Variants in SLC2A13 observed in about 807,000 individuals in gnomAD.
SLC2A13 encodes proton myo-inositol cotransporter.
SLC2A13 carries 32 observed loss-of-function variants against 64.4 expected under a neutral mutation model. The observed-to-expected ratio is 0.50, with a 90% confidence interval of 0.37 to 0.67. The LOEUF (loss-of-function observed/expected upper bound fraction) is 0.67. Among genes scored for constraint, SLC2A13 ranks in the 30% least tolerant of loss-of-function variants. The probability of loss-of-function intolerance (pLI) is 0.00; values close to 1 mark genes in which losing one functional copy is unlikely to be tolerated. For synonymous variants in SLC2A13, 338 were observed against 327.1 expected, an observed-to-expected ratio of 1.03 and a Z score of -0.36; for missense variants, 743 against 829.2, an observed-to-expected ratio of 0.90 and a Z score of 1.28.
intron 3 of SLC2A13, among the ~76,000 whole-genome samples, chr12:39,972,874 C>G (rs1426922021): frequency 7.9e-5 from 12 of 152,068 alleles, no homozygotes; most frequent in Non-Finnish European, 1.6e-4. Flanking sequence ...TCGAGACCAG[C>G]CTGACCAACA....
At chr12:39,988,679 A>G (rs1377929159) in intron 3 of SLC2A13, among the ~76,000 whole-genome samples, 11 of 80,556 alleles carry the variant, frequency 1.4e-4, no homozygotes, top group Admixed American at 1.1e-3. Context: ...GGGAGGGAAG[A>G]AGGGAGGGAG....
At chr12:40,096,237 G>T (rs144211784) in intron 1 of SLC2A13, among the ~76,000 whole-genome samples, 2,114 of 152,022 alleles carry the variant, frequency 0.014, 126 homozygotes, top group Admixed American at 0.095. Flanking sequence ...CCAGCCCTGA[G>T]TTTTTAATTT....
chr12:39,824,479 C>T (rs2135834733), intron 7 of SLC2A13, among the ~76,000 whole-genome samples: 1 of 152,326 alleles, frequency 6.6e-6, no homozygotes, highest in Non-Finnish European at 1.5e-5. Context: ...CTTCCCCTTT[C>T]TTATACCTGT....
chr12:40,028,545 T>G, intron 2 of SLC2A13, 36 bp from the exon 3 acceptor site: 1 of 1,607,016 alleles, frequency 6.2e-7, no homozygotes, highest in Non-Finnish European at 8.5e-7. Flanking sequence ...ACTGTAAAAT[T>G]TGCTCTTACC....
At chr12:39,797,189 G>A (rs2135777088) in intron 7 of SLC2A13, among the ~76,000 whole-genome samples, 1 of 152,278 alleles carries the variant, frequency 6.6e-6, no homozygotes, top group East Asian at 1.9e-4. Flanking sequence ...AAGCAAGCAT[G>A]CAAGCCTGAT....
chr12:39,953,441 G>A (rs1419646237), intron 3 of SLC2A13, among the ~76,000 whole-genome samples: 1 of 151,920 alleles, frequency 6.6e-6, no homozygotes, highest in Non-Finnish European at 1.5e-5. Flanking sequence ...TATGAACCTA[G>A]CTTTATTAGG....
chr12:39,807,670 A>G (rs543382433), intron 7 of SLC2A13, among the ~76,000 whole-genome samples: 274 of 152,136 alleles, frequency 1.8e-3, no homozygotes, highest in Middle Eastern at 3.4e-3. Flanking sequence ...TAGTTTTTCT[A>G]TTTCTTTTTG....
intron 4 of SLC2A13, among the ~76,000 whole-genome samples, chr12:39,894,296 C>T (rs1484443664): frequency 6.6e-6 from 1 of 152,204 alleles, no homozygotes; most frequent in South Asian, 2.1e-4. Context: ...TTCTAATTCA[C>T]TGAGCACTGG....
At chr12:39,816,398 G>A (rs527721530) in intron 7 of SLC2A13, among the ~76,000 whole-genome samples, 448 of 142,988 alleles carry the variant, frequency 3.1e-3, no homozygotes, top group African/African-American at 0.011. Context: ...CTTGGACACA[G>A]GAAGGGGAAC....
At chr12:39,890,747 G>A (rs1944585860) in intron 4 of SLC2A13, among the ~76,000 whole-genome samples, 3 of 152,070 alleles carry the variant, frequency 2.0e-5, no homozygotes, top group Admixed American at 2.0e-4. Flanking sequence ...AGCAGCTGTA[G>A]AAAACCAATA....
chr12:39,976,376 A>T (rs1041547603), intron 3 of SLC2A13, among the ~76,000 whole-genome samples: 1 of 152,232 alleles, frequency 6.6e-6, no homozygotes, highest in Non-Finnish European at 1.5e-5. Context: ...GTAGACAATG[A>T]TAAGTGCCAT....
chr12:39,950,855 G>A (rs1946215740), intron 4 of SLC2A13: 2 of 203,808 alleles, frequency 9.8e-6, no homozygotes, highest in Non-Finnish European at 1.9e-5. Flanking sequence ...CACTGTAGTA[G>A]ACTGCACCAA....
At chr12:40,069,700 T>C (rs1361175194) in intron 1 of SLC2A13, among the ~76,000 whole-genome samples, 1 of 151,774 alleles carries the variant, frequency 6.6e-6, no homozygotes, top group African/African-American at 2.4e-5. Flanking sequence ...TCAATAGCTT[T>C]TATTATTATT....
chr12:39,946,747 G>A (rs1413942918), intron 4 of SLC2A13, among the ~76,000 whole-genome samples: 1 of 152,202 alleles, frequency 6.6e-6, no homozygotes, highest in African/African-American at 2.4e-5. Flanking sequence ...TCCAGGCGGA[G>A]GGCGAGATGG....
chr12:39,925,026 G>C (rs1945695439), intron 4 of SLC2A13, among the ~76,000 whole-genome samples: 1 of 121,942 alleles, frequency 8.2e-6, no homozygotes, highest in African/African-American at 3.1e-5. Flanking sequence ...TATACATACA[G>C]ATAATTTTTT....
rs1940033643 is a variant in SLC2A13 at position 39,758,638 on chromosome 12, T to C, written c.*1388A>G. 1 of 152,022 alleles carries C rather than the reference T, an allele frequency of 6.6e-6. No individual in the cohort carries two copies. The highest frequency in any genetic ancestry group is 1.9e-4 in the East Asian group (1 of 5,316). 9.4% of individuals were successfully genotyped at this position (152,022 alleles called of 1,614,324 possible). On this transcript the variant is annotated 3_prime_UTR_variant, in exon 10 of 10. Coordinates refer to ENST00000280871, the MANE Select transcript of SLC2A13 (RefSeq NM_052885.4). ...TTACCATAAAAACCAATGAATACCTTGGAAAGACATTGTGGAAATATAATT... is the reference window on the plus strand; with the variant it reads ...TTACCATAAAAACCAATGAATACCTCGGAAAGACATTGTGGAAATATAATT...
intron 4 of SLC2A13, among the ~76,000 whole-genome samples, chr12:39,913,107 T>G (rs1331246762): frequency 1.3e-5 from 2 of 151,972 alleles, no homozygotes; most frequent in Non-Finnish European, 2.9e-5. Flanking sequence ...CTTAGTAAAT[T>G]TATTGTTACC....
At chr12:39,999,135 A>T (rs1947282638) in intron 3 of SLC2A13, among the ~76,000 whole-genome samples, 1 of 152,152 alleles carries the variant, frequency 6.6e-6, no homozygotes, top group African/African-American at 2.4e-5. Context: ...TAAGCTGAGG[A>T]TGTACGTCAC....
intron 3 of SLC2A13, among the ~76,000 whole-genome samples, chr12:40,005,975 T>C (rs1346959685): frequency 1.3e-5 from 2 of 152,200 alleles, no homozygotes; most frequent in African/African-American, 4.8e-5. Context: ...TCAGCCAAGG[T>C]TGAGAATCAC....
Sources: gnomAD v4.1 joint callset for allele counts (sites outside exome capture counted in the v4.1 genomes callset) on GRCh38, gnomAD v4.1.1 for gene constraint, MANE v1.5 for transcripts, NCBI Gene and HGNC (gene_info 2026-07-23, HGNC 2026-07-21) for gene names.